The following NR2F1-AS1 variants were observed in gnomAD, a reference collection of about 807,000 sequenced individuals.
The protein encoded by NR2F1-AS1 is NR2F1 regulatory antisense RNA 1, also known as NR2F1 antisense RNA 1.
At chr5:93,482,103 C>CAA (rs151257453) in intron 4 of NR2F1-AS1, among the ~76,000 whole-genome samples, 1 of 149,560 alleles carries the variant, frequency 6.7e-6, no homozygotes, top group African/African-American at 2.5e-5. Context: ...TCAATAGGAA[C>CAA]AAAAAAAAAT....
At chr5:93,475,424 T>C (rs1486755718) in intron 4 of NR2F1-AS1, among the ~76,000 whole-genome samples, 5 of 152,220 alleles carry the variant, frequency 3.3e-5, no homozygotes, top group Non-Finnish European at 4.4e-5. Flanking sequence ...GTTGCCTTTG[T>C]TATTCTGCCT....
intron 2 of NR2F1-AS1, among the ~76,000 whole-genome samples, chr5:93,562,926 G>A (rs1752527505): frequency 6.6e-6 from 1 of 152,120 alleles, no homozygotes; most frequent in African/African-American, 2.4e-5. Flanking sequence ...AAAGAACTGG[G>A]CATTCAAAAC....
intron 4 of NR2F1-AS1, among the ~76,000 whole-genome samples, chr5:93,439,921 C>T (rs540534247): frequency 6.6e-6 from 1 of 152,244 alleles, no homozygotes; most frequent in Middle Eastern, 3.4e-3. Flanking sequence ...CTTATCTCCC[C>T]AACTAGACAG....
At position 93,563,007 on chromosome 5, in the gene NR2F1-AS1, C is replaced by T. The variant is rs147466311; in HGVS notation, n.413+357G>A. Among the ~76,000 whole-genome samples, 75 of 152,238 alleles carry T rather than the reference C, an allele frequency of 4.9e-4. No homozygotes were observed. The East Asian group carries it at 0.014, about 28-fold the overall frequency. ...GAGAAAATTCTACCCCTTGTATCCA[C>T]GAATTGTAAGTCACAGCTACAAATT... On this transcript the variant is annotated intron_variant and non_coding_transcript_variant, in intron 2 of 5. Coordinates refer to ENST00000660523, the Ensembl canonical transcript of NR2F1-AS1.
intron 4 of NR2F1-AS1, among the ~76,000 whole-genome samples, chr5:93,488,919 TA>T (rs1303713789): frequency 5.9e-5 from 9 of 152,114 alleles, no homozygotes; most frequent in Non-Finnish European, 1.0e-4. Flanking sequence ...TATGCAGCCA[TA>T]AAAAAGGATG....
chr5:93,539,396 T>C (rs1751903831), intron 4 of NR2F1-AS1, among the ~76,000 whole-genome samples: 1 of 152,160 alleles, frequency 6.6e-6, no homozygotes, highest in South Asian at 2.1e-4. Context: ...CAATGTGGTA[T>C]ATATACATAA....
At chr5:93,484,804 GT>G in intron 4 of NR2F1-AS1, among the ~76,000 whole-genome samples, 1 of 150,998 alleles carries the variant, frequency 6.6e-6, no homozygotes, top group South Asian at 2.1e-4. Context: ...AAATGCAGGG[GT>G]TGCAATCCTA....
intron 4 of NR2F1-AS1, among the ~76,000 whole-genome samples, chr5:93,538,840 G>GAA (rs1468166733): frequency 2.6e-5 from 4 of 152,052 alleles, no homozygotes; most frequent in African/African-American, 4.8e-5. Context: ...TATACCATAG[G>GAA]AACTGCCCCT....
chr5:93,506,988 T>C (rs898422079), intron 4 of NR2F1-AS1, among the ~76,000 whole-genome samples: 2 of 152,190 alleles, frequency 1.3e-5, no homozygotes, highest in South Asian at 4.1e-4. Flanking sequence ...CATACACATA[T>C]CTACTTAACT....
chr5:93,429,990 T>C (rs1749276778), intron 4 of NR2F1-AS1, among the ~76,000 whole-genome samples: 1 of 152,234 alleles, frequency 6.6e-6, no homozygotes, highest in Non-Finnish European at 1.5e-5. Context: ...CATGTTATTA[T>C]CTTATGCAGA....
chr5:93,475,274 A>G (rs959747908), intron 4 of NR2F1-AS1, among the ~76,000 whole-genome samples: 3 of 152,214 alleles, frequency 2.0e-5, no homozygotes, highest in African/African-American at 4.8e-5. Flanking sequence ...GACCTGCACA[A>G]AATATGGATG....
Position 93,565,390 on chromosome 5 carries a change from CATTTAAAAAAGTATTT to C in NR2F1-AS1, n.314-1943_314-1928del, listed in dbSNP as rs1312961288. On this transcript the variant is annotated intron_variant and non_coding_transcript_variant, in intron 1 of 5. Coordinates refer to ENST00000660523, the Ensembl canonical transcript of NR2F1-AS1. ...CTTCTAACAACAGTCACAGCTCCAA[CATTTAAAAAAGTATTT>C]ATTTAAAAAGTATTTATTTAAATTT... 2.0e-5 allele frequency among the ~76,000 whole-genome samples: 3 copies of C among 151,986 alleles called. No individual in the cohort carries two copies. The East Asian group carries it at 5.8e-4, about 29-fold the overall frequency.
At chr5:93,567,599 G>C (rs1752647283) in intron 1 of NR2F1-AS1, among the ~76,000 whole-genome samples, 1 of 152,146 alleles carries the variant, frequency 6.6e-6, no homozygotes, top group Non-Finnish European at 1.5e-5. Context: ...ATCCTTTGCA[G>C]GCTGCAATGA....
intron 4 of NR2F1-AS1, among the ~76,000 whole-genome samples, chr5:93,481,525 T>C (rs186650763): frequency 6.3e-4 from 95 of 151,938 alleles, no homozygotes; most frequent in African/African-American, 2.0e-3. Context: ...AATAAGGAAA[T>C]AGACAATTTG....
intron 4 of NR2F1-AS1, among the ~76,000 whole-genome samples, chr5:93,532,158 G>T (rs560491984): frequency 1.3e-5 from 2 of 152,150 alleles, no homozygotes; most frequent in African/African-American, 4.8e-5. Context: ...GCCTACAATT[G>T]TCCCAAGTTT....
intron 4 of NR2F1-AS1, among the ~76,000 whole-genome samples, chr5:93,478,503 G>C (rs867519720): frequency 5.9e-5 from 9 of 152,118 alleles, no homozygotes; most frequent in Admixed American, 2.0e-4. Flanking sequence ...TCCCAGATTC[G>C]AGCAATTATC....
At chr5:93,475,404 CTGTT>C (rs889502543) in intron 4 of NR2F1-AS1, among the ~76,000 whole-genome samples, 13 of 152,246 alleles carry the variant, frequency 8.5e-5, no homozygotes, top group East Asian at 7.7e-4. Context: ...TTTTCTTCAC[CTGTT>C]TGTTTGTTGC....
intron 4 of NR2F1-AS1, among the ~76,000 whole-genome samples, chr5:93,485,444 G>A (rs1040487191): frequency 1.3e-5 from 2 of 151,986 alleles, no homozygotes; most frequent in African/African-American, 4.8e-5. Flanking sequence ...CAGAATCTCT[G>A]GGACACAGTT....
intron 4 of NR2F1-AS1, among the ~76,000 whole-genome samples, chr5:93,499,755 C>T (rs1049310806): frequency 1.3e-5 from 2 of 152,002 alleles, no homozygotes; most frequent in African/African-American, 2.4e-5. Context: ...AGCCAAGTTA[C>T]GAATGTAAAG....
Sources: allele counts gnomAD v4.1 joint callset (sites outside exome capture counted in the v4.1 genomes callset), GRCh38; gene constraint gnomAD v4.1.1; transcripts MANE v1.5; gene names NCBI Gene and HGNC (gene_info 2026-07-23, HGNC 2026-07-21).